COL22A1: variants seen among roughly 807,000 people sequenced by gnomAD.
COL22A1 encodes the protein collagen alpha-1(XXII) chain.
A neutral mutation model predicts 248.9 loss-of-function variants in COL22A1; 221 were observed. The ratio of observed to expected loss-of-function variants is 0.89; its 90% CI spans 0.80 to 0.99. The LOEUF is 0.99. Among genes scored for constraint, COL22A1 ranks in the 50% least tolerant of loss-of-function variants. The pLI is 0.00. For synonymous variants in COL22A1, 891 were observed against 793.4 expected (o/e 1.12, Z -2.07); for missense variants, 2,240 against 2,179.0 (o/e 1.03, Z -0.56).
At position 138,818,375 on chromosome 8, in the gene COL22A1, C is replaced by A. The variant is rs75847916; in HGVS notation, c.1245+2761G>T. Among the ~76,000 whole-genome samples, 143 of 152,296 alleles carry A rather than the reference C, an allele frequency of 9.4e-4. 3 individuals are homozygous for A. In the East Asian group the frequency reaches 0.022, roughly 24 times the overall value. On this transcript the variant is annotated intron_variant, in intron 7 of 64. Transcript: ENST00000303045. The stretch of plus-strand genomic sequence containing the variant: ...ATAAAATGTGAGCAGCATCCACCCA[C>A]CTGGCCTGAATTTAGGATTAAGAAG...
At chr8:138,716,757 T>C (rs959367858) in intron 28 of COL22A1, 68 bp downstream of exon 28, 3 of 1,149,668 alleles carry the variant, frequency 2.6e-6, no homozygotes, top group African/African-American at 1.5e-5. Flanking sequence ...AAATAATTTA[T>C]ACAAGATGTA....
intron 43 of COL22A1, 121 bp downstream of exon 43, chr8:138,661,909 A>G (rs1337797200): frequency 3.2e-6 from 2 of 617,974 alleles, no homozygotes; most frequent in Non-Finnish European, 5.6e-6. Flanking sequence ...CTTCCTGGAA[A>G]TCCTCAACCG....
intron 4 of COL22A1, among the ~76,000 whole-genome samples, chr8:138,837,005 A>C (rs968231511): frequency 1.3e-5 from 2 of 152,162 alleles, no homozygotes; most frequent in African/African-American, 4.8e-5. Context: ...GACAGTGAGG[A>C]AGTTATCCGG....
intron 10 of COL22A1, among the ~76,000 whole-genome samples, chr8:138,807,048 TA>T (rs1193862954): frequency 6.6e-6 from 1 of 150,752 alleles, no homozygotes; most frequent in African/African-American, 2.4e-5. Context: ...GGAGGAGAAA[TA>T]GGGGGGAGAA....
At chr8:138,703,594 C>A (rs375810769) in intron 30 of COL22A1, among the ~76,000 whole-genome samples, 2 of 152,094 alleles carry the variant, frequency 1.3e-5, no homozygotes, top group African/African-American at 2.4e-5. Flanking sequence ...TATTGATATG[C>A]GTAGTGGTAG....
At chr8:138,676,466 A>AAAGGAAGG in intron 41 of COL22A1, 92 bp downstream of exon 41, 1 of 626,356 alleles carries the variant, frequency 1.6e-6, no homozygotes, top group Non-Finnish European at 2.7e-6. Flanking sequence ...AGGAAGAAAG[A>AAAGGAAGG]AAGAAAGAAA....
intron 46 of COL22A1, among the ~76,000 whole-genome samples, chr8:138,648,288 C>T (rs1381317351): frequency 1.3e-5 from 2 of 152,116 alleles, no homozygotes; most frequent in Non-Finnish European, 2.9e-5. Flanking sequence ...GGCATGCCCA[C>T]GGGGTCTATG....
At chr8:138,600,885 T>G (rs1477875051) in intron 60 of COL22A1, among the ~76,000 whole-genome samples, 2 of 152,210 alleles carry the variant, frequency 1.3e-5, no homozygotes. Context: ...CCCTATCTCA[T>G]GCATGGTACA....
chr8:138,729,300 C>T (rs1260869819), intron 23 of COL22A1, among the ~76,000 whole-genome samples: 1 of 152,210 alleles, frequency 6.6e-6, no homozygotes, highest in African/African-American at 2.4e-5. Flanking sequence ...CCCTTTCCAC[C>T]CTTTAACACA....
At chr8:138,640,236 T>C (rs1320712575) in intron 47 of COL22A1, among the ~76,000 whole-genome samples, 1 of 152,190 alleles carries the variant, frequency 6.6e-6, no homozygotes, top group African/African-American at 2.4e-5. Context: ...TTTAATTACA[T>C]TTTTCCAGAA....
At chr8:138,648,582 G>C (rs1200593808) in intron 46 of COL22A1, among the ~76,000 whole-genome samples, 1 of 151,248 alleles carries the variant, frequency 6.6e-6, no homozygotes, top group Non-Finnish European at 1.5e-5. Flanking sequence ...AGGCAAAGAA[G>C]GCTTTTTTTT....
At chr8:138,714,113 CT>C (rs1390287801) in intron 30 of COL22A1, among the ~76,000 whole-genome samples, 1 of 152,226 alleles carries the variant, frequency 6.6e-6, no homozygotes, top group Non-Finnish European at 1.5e-5. Context: ...CTCCTTGAAC[CT>C]GCCCGCATGT....
At chr8:138,761,309 C>A (rs1833470727) in intron 17 of COL22A1, among the ~76,000 whole-genome samples, 2 of 152,140 alleles carry the variant, frequency 1.3e-5, no homozygotes, top group African/African-American at 2.4e-5. Flanking sequence ...TATTTTTAAG[C>A]AAGTCAATAA....
In COL22A1 at chr8:138,739,167, T is replaced by C. The variant is rs73445014; in HGVS notation, c.2086-1590A>G. Among the ~76,000 whole-genome samples the C allele has an allele frequency of 7.5e-3, 1,144 of 152,278 alleles. 17 individuals are homozygous for C. The highest frequency in any genetic ancestry group is 0.023 in the African/African-American group (960 of 41,560). Reference sequence around the variant, plus strand: ...ACACTACAATGCCTCTCAGCTCACATAGAGCAGAACTTTAATGACCTCCAG... The same window carrying C: ...ACACTACAATGCCTCTCAGCTCACACAGAGCAGAACTTTAATGACCTCCAG... On this transcript the variant is annotated intron_variant, in intron 22 of 64. Transcript: ENST00000303045.
At chr8:138,869,012 G>A (rs552064080) in intron 3 of COL22A1, among the ~76,000 whole-genome samples, 6 of 152,138 alleles carry the variant, frequency 3.9e-5, no homozygotes, top group Non-Finnish European at 7.4e-5. Context: ...GATTACAGGC[G>A]TGAGCCACAC....
At chr8:138,790,676 G>A (rs918643173) in intron 12 of COL22A1, among the ~76,000 whole-genome samples, 3 of 152,194 alleles carry the variant, frequency 2.0e-5, no homozygotes, top group African/African-American at 7.2e-5. Flanking sequence ...GACAGCACAA[G>A]GTGTGTCTGT....
At chr8:138,708,142 C>G in intron 30 of COL22A1, among the ~76,000 whole-genome samples, 1 of 152,112 alleles carries the variant, frequency 6.6e-6, no homozygotes, top group Non-Finnish European at 1.5e-5. Context: ...AAAGAGGACA[C>G]AAACAAATGG....
chr8:138,649,747 G>A lies in COL22A1; in HGVS notation c.3365C>T (p.Pro1122Leu). The A allele has an allele frequency of 6.2e-7, 1 of 1,605,062 alleles. No homozygotes were observed. The highest frequency in any genetic ancestry group is 8.5e-7 in the Non-Finnish European group (1 of 1,176,272). ...DVCNDCPPGPPGLPGLPGFKG... is the reference protein window; with the variant it reads ...DVCNDCPPGPLGLPGLPGFKG... The stretch of plus-strand genomic sequence containing the variant: ...AAAACCTGGTAGACCAGGGAGGCCT[G>A]GGGGGCCAGGAGGGCAGTCATTGCA... The change falls in exon 46 of 65, where the codon CCA becomes CTA. Residue 1122 changes from proline (P) to leucine (L), a missense_variant. By Grantham distance (98) the Pro-to-Leu change is moderately conservative (BLOSUM62 -3). Transcript: ENST00000303045.
At chr8:138,649,614 A>G in intron 46 of COL22A1, 51 bp downstream of exon 46, 1 of 1,575,416 alleles carries the variant, frequency 6.3e-7, no homozygotes. Context: ...GATCTCCAGA[A>G]TGATATTTTC....
Sources: gnomAD v4.1 joint callset for allele counts (sites outside exome capture counted in the v4.1 genomes callset) on GRCh38, gnomAD v4.1.1 for gene constraint, MANE v1.5 for transcripts, NCBI Gene and HGNC (gene_info 2026-07-23, HGNC 2026-07-21) for gene names.